The following PAXIP1 variants were observed in gnomAD, a reference collection of about 807,000 sequenced individuals.
The protein encoded by PAXIP1 is PAX-interacting protein 1.
PAXIP1 carries 19 observed loss-of-function variants against 140.6 expected under a neutral mutation model. That is an observed-to-expected ratio of 0.14 (90% CI 0.09 to 0.20). The LOEUF is 0.20. Ranked by LOEUF, PAXIP1 falls within the 10% of genes least tolerant of loss-of-function variation. The pLI, the probability that PAXIP1 is intolerant of heterozygous loss-of-function variation, is 1.00. For synonymous variants in PAXIP1, 442 were observed against 444.6 expected (o/e 0.99, Z 0.07); for missense variants, 920 against 1,208.6 (o/e 0.76, Z 3.54).
At chr7:154,981,753 A>C (rs1295024331) in intron 5 of PAXIP1, among the ~76,000 whole-genome samples, 1 of 152,164 alleles carries the variant, frequency 6.6e-6, no homozygotes, top group East Asian at 1.9e-4. Flanking sequence ...TTATATATAG[A>C]CCTTATGACT....
At position 154,986,456 on chromosome 7, in the gene PAXIP1, A is replaced by C. The variant is rs1810077947; in HGVS notation, c.325-3124T>G. On this transcript the variant is annotated intron_variant, in intron 4 of 20. Coordinates refer to ENST00000404141, the MANE Select transcript of PAXIP1 (RefSeq NM_007349.4). This position sits in a 1 kb window ranked among gnomAD's most constrained non-coding sequence, Gnocchi z 4.8. ...CTGACCCCTCCTAGACTGTATGTTT[A>C]CTGAGAGAGAAATCGCATCTTAATT... Among the ~76,000 whole-genome samples the C allele has an allele frequency of 6.6e-6, 1 of 152,180 alleles. No individual in the cohort carries two copies. The highest frequency in any genetic ancestry group is 1.5e-5 in the Non-Finnish European group (1 of 68,022).
chr7:154,983,224 T>C lies in PAXIP1; in HGVS notation c.433A>G (p.Lys145Glu), dbSNP rs754789871. The C allele has an allele frequency of 3.8e-6, 6 of 1,578,536 alleles. No individual in the cohort carries two copies. The highest frequency in any genetic ancestry group is 5.2e-6 in the Non-Finnish European group (6 of 1,157,426). The change falls in exon 5 of 21, where the codon AAG becomes GAG. Residue 145 changes from lysine to glutamate, a missense_variant. Transcript: ENST00000404141. Reference protein sequence around the residue: ...KCTHLIVPEPKGEKYECALKR... With the variant: ...KCTHLIVPEPEGEKYECALKR... ...GTGGCACAAGAAACGCTTACCCCCT[T>C]TGGCTCTGGAACAATCAAATGCGTG...
chr7:154,952,591 C>A (rs548154901), intron 16 of PAXIP1, among the ~76,000 whole-genome samples: 9 of 152,148 alleles, frequency 5.9e-5, no homozygotes, highest in African/African-American at 2.2e-4. Context: ...ATCATGAGTT[C>A]AATGTCAGTG....
chr7:154,949,112 A>T (rs1056341139), intron 16 of PAXIP1: 13 of 152,276 alleles, frequency 8.5e-5, no homozygotes, highest in African/African-American at 3.1e-4. Flanking sequence ...ACAGCATAAT[A>T]AGGCAGCTCA....
intron 16 of PAXIP1, among the ~76,000 whole-genome samples, chr7:154,953,783 G>T (rs192096638): frequency 1.3e-5 from 2 of 152,310 alleles, no homozygotes; most frequent in Non-Finnish European, 2.9e-5. Flanking sequence ...AAATGTGCCT[G>T]TTAGTAAAAG....
Position 154,946,900 on chromosome 7 carries a change from T to C in PAXIP1, c.2923-87A>G, listed in dbSNP as rs1320296846. On this transcript the variant is annotated intron_variant, in intron 17 of 20. Coordinates refer to ENST00000404141, the MANE Select transcript of PAXIP1 (RefSeq NM_007349.4). The surrounding 1 kb of genome is among the most constrained non-coding windows in gnomAD (Gnocchi z 4.9). The stretch of plus-strand genomic sequence containing the variant: ...AATTCTCATAGATTCTGCCCTGAGA[T>C]TTTTGACAAAATTTCAAATTTTATG... 2 of 1,081,708 alleles carry C rather than the reference T, an allele frequency of 1.8e-6. No individual in the cohort carries two copies. Among genetic ancestry groups the C allele is most frequent in the Non-Finnish European group, 2.6e-6 (2 of 763,550 alleles). The allele number at this position is 1,081,708 out of a possible 1,614,324, so 67.0% of individuals were successfully genotyped here.
At chr7:154,988,860 C>T (rs1810195491) in intron 4 of PAXIP1, among the ~76,000 whole-genome samples, 1 of 152,146 alleles carries the variant, frequency 6.6e-6, no homozygotes, top group African/African-American at 2.4e-5. Context: ...TGTGTTTATA[C>T]ATAAGTAGTA....
intron 1 of PAXIP1, among the ~76,000 whole-genome samples, chr7:154,999,381 C>T (rs546300740): frequency 6.6e-6 from 1 of 152,260 alleles, no homozygotes; most frequent in East Asian, 1.9e-4. Flanking sequence ...GGATTTCACA[C>T]AGGAAAAGTA....
At chr7:154,990,059 G>A (rs1225524842) in intron 4 of PAXIP1, among the ~76,000 whole-genome samples, 85 of 19,702 alleles carry the variant, frequency 4.3e-3, no homozygotes, top group African/African-American at 0.014. Flanking sequence ...TTTTTTTTTT[G>A]AGATGGAGTT....
chr7:154,988,152 A>G (rs1233723145), intron 4 of PAXIP1, among the ~76,000 whole-genome samples: 1 of 152,168 alleles, frequency 6.6e-6, no homozygotes, highest in Non-Finnish European at 1.5e-5. Context: ...CTACGTGCAA[A>G]TGCACACCCT....
At chr7:154,980,510 G>A (rs1162360994) in intron 5 of PAXIP1, among the ~76,000 whole-genome samples, 1 of 151,924 alleles carries the variant, frequency 6.6e-6, no homozygotes, top group African/African-American at 2.4e-5. Context: ...AACCTCCCAG[G>A]CTCAAGCAAT....
chr7:154,962,134 A>G (rs1298307303), intron 10 of PAXIP1, among the ~76,000 whole-genome samples, 187 bp downstream of exon 10: 1 of 152,222 alleles, frequency 6.6e-6, no homozygotes, highest in Non-Finnish European at 1.5e-5. Context: ...GAAAATTGTG[A>G]CTGTTACACA....
chr7:154,993,704 C>T (rs755167660), intron 3 of PAXIP1, 22 bp downstream of exon 3: 1 of 1,569,856 alleles, frequency 6.4e-7, no homozygotes, highest in Non-Finnish European at 8.7e-7. Flanking sequence ...TTCCCTCCTC[C>T]CCCACTCAAA....
At chr7:154,961,969 C>T (rs1419120601) in intron 10 of PAXIP1, among the ~76,000 whole-genome samples, 1 of 152,258 alleles carries the variant, frequency 6.6e-6, no homozygotes, top group African/African-American at 2.4e-5. Flanking sequence ...CTTCTCCTCA[C>T]TGATCCCAAC....
At chr7:154,981,116 G>A (rs759246932) in intron 5 of PAXIP1, among the ~76,000 whole-genome samples, 1 of 151,726 alleles carries the variant, frequency 6.6e-6, no homozygotes, top group Non-Finnish European at 1.5e-5. Flanking sequence ...GTGAGACTCT[G>A]TCTCAAGAAA....
At chr7:154,945,469 A>G (rs1807916296) in intron 20 of PAXIP1, 13 of 946,724 alleles carry the variant, frequency 1.4e-5, no homozygotes, top group Non-Finnish European at 1.6e-5. Flanking sequence ...ACACACGAAG[A>G]AAAAAAAACT....
Position 154,983,235 on chromosome 7 carries a change from A to G in PAXIP1, c.422T>C (p.Val141Ala), listed in dbSNP as rs1362189089. ...AACGCTTACCCCCTTTGGCTCTGGA[A>G]CAATCAAATGCGTGCATTTCTTATT... ...TLNKKCTHLI[V>A]PEPKGEKYEC... The change falls in exon 5 of 21, where the codon GTT becomes GCT. Residue 141 changes from valine (V) to alanine (A), a missense_variant. Around this residue, in one of 5 missense-constraint regions of PAXIP1, gnomAD observed 419 missense variants for 514.7 expected, o/e 0.81. Coordinates refer to ENST00000404141, the MANE Select transcript of PAXIP1 (RefSeq NM_007349.4). 2 of 1,601,176 alleles carry G rather than the reference A, an allele frequency of 1.2e-6. No homozygotes were observed. Among genetic ancestry groups the G allele is most frequent in the Admixed American group, 3.4e-5 (2 of 58,190 alleles).
At chr7:154,950,216 T>C (rs1418570861) in intron 16 of PAXIP1, 3 of 152,182 alleles carry the variant, frequency 2.0e-5, no homozygotes, top group Non-Finnish European at 4.4e-5. Flanking sequence ...CTGGAACAAC[T>C]GCACATCCAT....
chr7:154,961,751 T>C (rs1808764130), intron 10 of PAXIP1, 103 bp from the exon 11 acceptor site: 1 of 1,012,546 alleles, frequency 9.9e-7, no homozygotes, highest in Admixed American at 2.7e-5. Flanking sequence ...TTTCACTATT[T>C]CTTTGGCATT....
Sources: allele counts gnomAD v4.1 joint callset (sites outside exome capture counted in the v4.1 genomes callset), GRCh38; gene constraint gnomAD v4.1.1; regional missense constraint gnomAD v4.1.1; non-coding constraint Gnocchi (gnomAD v3.1); transcripts MANE v1.5; gene names NCBI Gene and HGNC (gene_info 2026-07-23, HGNC 2026-07-21).